BIRC6: variants seen among roughly 807,000 people sequenced by gnomAD.
The protein encoded by BIRC6 is dual E2 ubiquitin-conjugating enzyme/E3 ubiquitin-protein ligase BIRC6.
A neutral mutation model predicts 503.3 loss-of-function variants in BIRC6; 98 were observed. That is an observed-to-expected ratio of 0.19 (90% CI 0.17 to 0.23). The LOEUF is 0.23. Ranked by LOEUF, BIRC6 falls within the 10% of genes least tolerant of loss-of-function variation. The pLI is 1.00. For missense variants in BIRC6, 5,360 were observed against 5,806.0 expected (o/e 0.92, Z 2.50); for synonymous variants, 2,240 against 2,078.7 (o/e 1.08, Z -2.11).
At chr2:32,396,889 G>A (rs2039958041) in intron 6 of BIRC6, among the ~76,000 whole-genome samples, 1 of 151,854 alleles carries the variant, frequency 6.6e-6, no homozygotes, top group Non-Finnish European at 1.5e-5. Flanking sequence ...CACCACACCC[G>A]GCTGATTTTT....
chr2:32,464,462 A>AG, intron 24 of BIRC6, 47 bp from the exon 25 acceptor site: 1 of 1,488,786 alleles, frequency 6.7e-7, no homozygotes, highest in Non-Finnish European at 9.0e-7. Flanking sequence ...GCCACAATTT[A>AG]GGTAGGCAGG....
chr2:32,413,531 C>T (rs2042114147), intron 9 of BIRC6, among the ~76,000 whole-genome samples: 1 of 151,850 alleles, frequency 6.6e-6, no homozygotes, highest in Non-Finnish European at 1.5e-5. Flanking sequence ...GTTACTCAGG[C>T]TGGTCTCGAA....
Position 32,401,393 on chromosome 2 carries a change from T to C in BIRC6, c.1257+8T>C. 1 of 1,613,474 alleles carries C rather than the reference T, an allele frequency of 6.2e-7. No homozygotes were observed. Among genetic ancestry groups the C allele is most frequent in the Non-Finnish European group, 8.5e-7 (1 of 1,179,474 alleles). The stretch of plus-strand genomic sequence containing the variant: ...GTTTCCAAACTTATGAAGGTATGTT[T>C]GAATTTTGAAGTAACAAATTAGTAA... On this transcript the variant is annotated splice_region_variant and intron_variant, in intron 7 of 73. Coordinates refer to ENST00000421745, the MANE Select transcript of BIRC6 (RefSeq NM_016252.4).
intron 65 of BIRC6, chr2:32,565,098 A>C (rs2059441380): frequency 6.6e-6 from 1 of 152,240 alleles, no homozygotes; most frequent in Non-Finnish European, 1.5e-5. Context: ...TACCAGTTTC[A>C]CTGGGGATCT....
At chr2:32,570,824 G>C (rs1022898109) in intron 65 of BIRC6, among the ~76,000 whole-genome samples, 8 of 151,984 alleles carry the variant, frequency 5.3e-5, no homozygotes, top group African/African-American at 1.7e-4. Context: ...AAGGGTTGAG[G>C]TCTTGCTCTG....
In BIRC6 at chr2:32,518,791, G is replaced by T. The variant is rs200928681; in HGVS notation, c.11494-26G>T. 10 of 1,605,326 alleles carry T rather than the reference G, an allele frequency of 6.2e-6. No homozygotes were observed. In the East Asian group the frequency reaches 1.1e-4, roughly 18 times the overall value. Reference sequence around the variant, plus strand: ...TATGTATTCCAAAAAGTTACTTCCTGATTTCTTTGATTTCTTGATTTTCAG... The same window carrying T: ...TATGTATTCCAAAAAGTTACTTCCTTATTTCTTTGATTTCTTGATTTTCAG... On this transcript the variant is annotated intron_variant, in intron 56 of 73. Coordinates refer to ENST00000421745, the MANE Select transcript of BIRC6 (RefSeq NM_016252.4).
chr2:32,401,476 T>C lies in BIRC6; in HGVS notation c.1271T>C (p.Phe424Ser). 6.2e-7 allele frequency: 1 copy of C among 1,613,798 alleles called. No homozygotes were observed. The highest frequency in any genetic ancestry group is 8.5e-7 in the Non-Finnish European group (1 of 1,179,810). The stretch of plus-strand genomic sequence containing the variant: ...TCATTTGTTTAGGTGCACTTAAAGT[T>C]TGAAATTAATGCCTATGATCCAGCA... Reference protein sequence around the residue: ...VSKLMKVHLKFEINAYDPAIV... With the variant: ...VSKLMKVHLKSEINAYDPAIV... Residue 424 changes from phenylalanine (F) to serine (S), a missense_variant, in exon 8 of 74, where the codon TTT (phenylalanine) becomes TCT (serine). This residue lies in a region of BIRC6 where 700 missense variants were observed against 739.3 expected (regional missense o/e 0.95). Coordinates refer to ENST00000421745, the MANE Select transcript of BIRC6 (RefSeq NM_016252.4).
Position 32,481,350 on chromosome 2 carries a change from A to G in BIRC6, c.7439A>G (p.Asp2480Gly), listed in dbSNP as rs769939633. ...GAPPLSSLEKDKEIDLELLQD... is the reference protein window; with the variant it reads ...GAPPLSSLEKGKEIDLELLQD... Reference sequence around the variant, plus strand: ...CCTCCTCTGTCCTCTTTGGAAAAAGATAAAGAAATTGACCTTGAGTTACTT... The same window carrying G: ...CCTCCTCTGTCCTCTTTGGAAAAAGGTAAAGAAATTGACCTTGAGTTACTT... The change falls in exon 38 of 74, where the codon GAT (aspartate) becomes GGT (glycine). Residue 2480 changes from aspartate to glycine, a missense_variant. Physicochemically the swap from Asp to Gly is moderately conservative, Grantham distance 94. Coordinates refer to ENST00000421745, the MANE Select transcript of BIRC6 (RefSeq NM_016252.4). The G allele has an allele frequency of 1.9e-6, 3 of 1,610,216 alleles. No individual in the cohort carries two copies. The highest frequency in any genetic ancestry group is 2.2e-5 in the East Asian group (1 of 44,682).
At chr2:32,473,336 T>A in intron 33 of BIRC6, 97 bp downstream of exon 33, 1 of 990,264 alleles carries the variant, frequency 1.0e-6, no homozygotes, top group South Asian at 1.8e-5. Flanking sequence ...GTATAACATT[T>A]AATGGGCTCT....
intron 54 of BIRC6, among the ~76,000 whole-genome samples, chr2:32,514,503 A>T (rs1225795326): frequency 1.3e-5 from 2 of 152,226 alleles, no homozygotes; most frequent in Admixed American, 1.3e-4. Flanking sequence ...CCTGTAACAC[A>T]TAAAAAGTAG....
At chr2:32,554,847 G>A (rs895799259) in intron 65 of BIRC6, among the ~76,000 whole-genome samples, 7 of 151,600 alleles carry the variant, frequency 4.6e-5, no homozygotes, top group African/African-American at 1.7e-4. Context: ...CTGTTGTCAC[G>A]ACAAATATCT....
intron 1 of BIRC6, among the ~76,000 whole-genome samples, chr2:32,368,355 A>G (rs994159696): frequency 1.3e-5 from 2 of 152,078 alleles, no homozygotes; most frequent in Admixed American, 6.6e-5. Flanking sequence ...CCTAGCCAAC[A>G]TGGTGGAACC....
At position 32,597,887 on chromosome 2, in the gene BIRC6, G is replaced by T. The variant is rs2061775728; in HGVS notation, c.13749G>T (p.Val4583=). 2 of 1,613,912 alleles carry T rather than the reference G, an allele frequency of 1.2e-6. No individual in the cohort carries two copies. The highest frequency in any genetic ancestry group is 4.5e-5 in the East Asian group (2 of 44,868). Reference sequence around the variant, plus strand: ...CTCGCCGCCTTGCCCAGGAAGCTGTGACGCTTTCAACCTCACTGCCTCTGT... The same window carrying T: ...CTCGCCGCCTTGCCCAGGAAGCTGTTACGCTTTCAACCTCACTGCCTCTGT... ...ARARRLAQEA[V]TLSTSLPLSS... is the part of the protein sequence containing the mutation. Residue 4583 remains valine (V), a synonymous_variant, in exon 69 of 74, where the codon GTG becomes GTT. Coordinates refer to ENST00000421745, the MANE Select transcript of BIRC6 (RefSeq NM_016252.4).
At chr2:32,514,958 G>A (rs766855512) in intron 54 of BIRC6, 32 bp from the exon 55 acceptor site, 14 of 1,462,102 alleles carry the variant, frequency 9.6e-6, no homozygotes, top group African/African-American at 8.4e-5. Context: ...AAATATACTT[G>A]TATCATTAAT....
Position 32,476,381 on chromosome 2 carries a change from A to C in BIRC6, c.6852+37A>C, listed in dbSNP as rs1202927809. The C allele has an allele frequency of 2.0e-6, 3 of 1,533,978 alleles. No homozygotes were observed. The African/African-American group carries it at 4.2e-5, about 21-fold the overall frequency. ...ACTTTTCAATATAGTTATCTCAGAA[A>C]AGTCAAGGAGTTATGATCTTTAATT... On this transcript the variant is annotated intron_variant, in intron 34 of 73. Transcript: ENST00000421745.
At chr2:32,574,747 G>A in intron 65 of BIRC6, 1 of 267,878 alleles carries the variant, frequency 3.7e-6, no homozygotes, top group Non-Finnish European at 7.3e-6. Flanking sequence ...GTTGTTCAAG[G>A]GTCAGCTGTA....
At chr2:32,521,774 C>G (rs2055748762) in intron 57 of BIRC6, among the ~76,000 whole-genome samples, 1 of 152,138 alleles carries the variant, frequency 6.6e-6, no homozygotes, top group South Asian at 2.1e-4. Context: ...GCCACCACAT[C>G]AGGCCGACAA....
intron 13 of BIRC6, among the ~76,000 whole-genome samples, chr2:32,435,128 GTCTTT>G (rs762818884): frequency 1.8e-4 from 27 of 152,122 alleles, no homozygotes; most frequent in Non-Finnish European, 3.8e-4. Flanking sequence ...TATGTGTGCA[GTCTTT>G]TGACAGATTT....
rs1357039872 is a variant in BIRC6, at chr2:32,439,655, C to T, written c.3779C>T (p.Ala1260Val). Residue 1260 changes from alanine to valine, a missense_variant, in exon 16 of 74, where the codon GCT (alanine) becomes GTT (valine). Transcript: ENST00000421745. ...CAGAGTAACAAGGGTTATTCACTTG[C>T]TTCACTTTTGGCTAAAGTTGCAGCA... The part of the protein sequence containing the change: ...KHQSNKGYSL[A>V]SLLAKVAAGK... 1.2e-6 allele frequency: 2 copies of T among 1,613,794 alleles called. No homozygotes were observed. Among genetic ancestry groups the T allele is most frequent in the Non-Finnish European group, 1.7e-6 (2 of 1,179,822 alleles).
Sources: allele counts gnomAD v4.1 joint callset (sites outside exome capture counted in the v4.1 genomes callset), GRCh38; gene constraint gnomAD v4.1.1; regional missense constraint gnomAD v4.1.1; transcripts MANE v1.5; gene names NCBI Gene and HGNC (gene_info 2026-07-23, HGNC 2026-07-21).